The following IYD variants were observed in gnomAD, a reference collection of about 807,000 sequenced individuals.
The protein encoded by IYD is iodotyrosine deiodinase 1.
Under a neutral mutation model 28.4 loss-of-function variants are expected in IYD, and 25 were observed. That is an observed-to-expected ratio of 0.88 (90% CI 0.64 to 1.23). The LOEUF (loss-of-function observed/expected upper bound fraction) is 1.23, where lower values mean the gene tolerates loss of function less well. Among genes scored for constraint, IYD ranks in the 50% most tolerant of loss-of-function variants. The pLI, the probability that IYD is intolerant of heterozygous loss-of-function variation, is 0.00. For missense variants in IYD, 352 were observed against 357.9 expected (o/e 0.98, Z 0.13); for synonymous variants, 140 against 130.8 (o/e 1.07, Z -0.48).
intron 1 of IYD, among the ~76,000 whole-genome samples, chr6:150,374,603 A>C (rs1244888575): frequency 6.6e-6 from 1 of 152,202 alleles, no homozygotes; most frequent in Non-Finnish European, 1.5e-5. Context: ...CTCTCCTGAG[A>C]CTTATTCACT....
At chr6:150,388,959 C>T (rs1778005944) in intron 1 of IYD, among the ~76,000 whole-genome samples, 1 of 152,114 alleles carries the variant, frequency 6.6e-6, no homozygotes, top group Admixed American at 6.5e-5. Flanking sequence ...GCCTTGGCCT[C>T]CCAAAATGCT....
intron 1 of IYD, among the ~76,000 whole-genome samples, chr6:150,387,874 C>T (rs1475631650): frequency 6.7e-6 from 1 of 150,190 alleles, no homozygotes; most frequent in Non-Finnish European, 1.5e-5. Flanking sequence ...TTTATTCTTT[C>T]CTGTACCCTA....
intron 1 of IYD, among the ~76,000 whole-genome samples, chr6:150,388,672 T>TTTC (rs941186004): frequency 1.4e-5 from 2 of 143,662 alleles, no homozygotes; most frequent in African/African-American, 5.1e-5. Context: ...TCTTTCTTTC[T>TTTC]TTCTTTCTTT....
At chr6:150,390,661 G>A (rs1298236777) in intron 2 of IYD, among the ~76,000 whole-genome samples, 1 of 152,114 alleles carries the variant, frequency 6.6e-6, no homozygotes, top group Non-Finnish European at 1.5e-5. Flanking sequence ...CCAATGGGAA[G>A]GAAGGAACAG....
chr6:150,381,750 C>A (rs73617636), intron 1 of IYD, among the ~76,000 whole-genome samples: 2,468 of 152,212 alleles, frequency 0.016, 58 homozygotes, highest in African/African-American at 0.056. Flanking sequence ...TGTTTATATT[C>A]TTTTGACTTG....
In IYD at chr6:150,369,055, G is replaced by C; in HGVS notation, c.24G>C (p.Leu8Phe). The C allele has an allele frequency of 6.2e-7, 1 of 1,613,918 alleles. No individual in the cohort carries two copies. Among genetic ancestry groups the C allele is most frequent in the African/African-American group, 1.3e-5 (1 of 74,942 alleles). The change falls in exon 1 of 5, where the codon TTG becomes TTC. Residue 8 changes from leucine to phenylalanine, a missense_variant. Leu to Phe is a conservative substitution (Grantham distance 22). Coordinates refer to ENST00000344419, the MANE Select transcript of IYD (RefSeq NM_203395.3). ...CCATGTATTTCCTGACTCCCATCTT[G>C]GTAGCCATTCTCTGCATTTTGGTTG... MYFLTPI[L>F]VAILCILVVW...
intron 2 of IYD, among the ~76,000 whole-genome samples, chr6:150,389,979 G>A (rs772868332): frequency 5.3e-5 from 8 of 151,962 alleles, no homozygotes; most frequent in Non-Finnish European, 1.0e-4. Flanking sequence ...CTGTAGTACA[G>A]TATTCTCATT....
chr6:150,377,010 A>G (rs1777468329), intron 1 of IYD, among the ~76,000 whole-genome samples: 1 of 152,202 alleles, frequency 6.6e-6, no homozygotes, highest in South Asian at 2.1e-4. Context: ...AAAAAGGATC[A>G]GAGAGACCAG....
At chr6:150,371,609 C>A (rs553161442) in intron 1 of IYD, among the ~76,000 whole-genome samples, 1 of 152,186 alleles carries the variant, frequency 6.6e-6, no homozygotes, top group African/African-American at 2.4e-5. Context: ...TGGCTCTCTG[C>A]CTGATCACTT....
At chr6:150,388,631 C>CTTTG (rs1777974686) in intron 1 of IYD, among the ~76,000 whole-genome samples, 1 of 8,916 alleles carries the variant, frequency 1.1e-4, no homozygotes. Context: ...GGAGTTTTTG[C>CTTTG]TTTCTTTCTT....
intron 1 of IYD, among the ~76,000 whole-genome samples, chr6:150,378,816 A>G (rs1408692000): frequency 6.6e-6 from 1 of 152,206 alleles, no homozygotes; most frequent in Non-Finnish European, 1.5e-5. Context: ...ACTATAAATC[A>G]TGCTGCTATA....
intron 1 of IYD, among the ~76,000 whole-genome samples, chr6:150,372,047 A>G (rs1777260218): frequency 6.6e-6 from 1 of 152,206 alleles, no homozygotes; most frequent in Non-Finnish European, 1.5e-5. Flanking sequence ...TTTACTGAAG[A>G]CACATGGAGT....
rs370974237 is a variant in IYD at position 150,375,378 on chromosome 6, C to T, written c.178+6169C>T. On this transcript the variant is annotated intron_variant, in intron 1 of 4. Transcript: ENST00000344419. ...CTGTATTCTCATGCTGATTCCACTG[C>T]ATTATGGGAGTCTTCAAACTGGTTG... Among the ~76,000 whole-genome samples, 317 of 152,162 alleles carry T rather than the reference C, an allele frequency of 2.1e-3. 2 individuals carry two copies. Among genetic ancestry groups the T allele is most frequent in the Middle Eastern group, 6.8e-3 (2 of 294 alleles).
chr6:150,390,820 A>C (rs561985002), intron 2 of IYD, among the ~76,000 whole-genome samples: 1 of 152,250 alleles, frequency 6.6e-6, no homozygotes, highest in Admixed American at 6.5e-5. Context: ...TTGGACAAAG[A>C]TGATGCACTG....
At position 150,398,061 on chromosome 6, in the gene IYD, G is replaced by T. The variant is rs1014630709; in HGVS notation, c.694G>T (p.Gly232Cys). The T allele has an allele frequency of 6.2e-7, 1 of 1,614,146 alleles. No homozygotes were observed. Among genetic ancestry groups the T allele is most frequent in the South Asian group, 1.1e-5 (1 of 91,068 alleles). The stretch of plus-strand genomic sequence containing the variant: ...TCTTGTCCTCTTATTTTAGAATGCA[G>T]GTCTGGTGACTGTCACTACCACTCC... ...GILLAALQNA[G>C]LVTVTTTPLN... The change falls in exon 5 of 5, where the codon GGT (glycine) becomes TGT (cysteine). Residue 232 changes from glycine to cysteine, a missense_variant. Physicochemically the swap from Gly to Cys is radical, Grantham distance 159. Coordinates refer to ENST00000344419, the MANE Select transcript of IYD (RefSeq NM_203395.3).
At chr6:150,379,897 TGGACCCC>T (rs1423452105) in intron 1 of IYD, among the ~76,000 whole-genome samples, 1 of 152,216 alleles carries the variant, frequency 6.6e-6, no homozygotes, top group East Asian at 1.9e-4. Flanking sequence ...TATAAGCATT[TGGACCCC>T]GTTGGGTTAT....
At chr6:150,396,688 C>T (rs78779451) in intron 4 of IYD, 47,006 of 341,796 alleles carry the variant, frequency 0.14, 3,629 homozygotes, top group East Asian at 0.22. Context: ...TCCTGGCTAA[C>T]ATGGTGAAAC....
chr6:150,385,151 A>G (rs1777814083), intron 1 of IYD: 2 of 152,204 alleles, frequency 1.3e-5, no homozygotes, highest in South Asian at 4.1e-4. Context: ...TTCTTTTCTC[A>G]TGTTTAATCT....
At chr6:150,394,576 T>C (rs1284072067) in intron 4 of IYD, among the ~76,000 whole-genome samples, 1 of 152,196 alleles carries the variant, frequency 6.6e-6, no homozygotes, top group Non-Finnish European at 1.5e-5. Flanking sequence ...GCTAACTCCC[T>C]GGATACGTTT....
Sources: allele counts gnomAD v4.1 joint callset (sites outside exome capture counted in the v4.1 genomes callset), GRCh38; gene constraint gnomAD v4.1.1; transcripts MANE v1.5; gene names NCBI Gene and HGNC (gene_info 2026-07-23, HGNC 2026-07-21).